CDC42BPA: variants seen among roughly 807,000 people sequenced by gnomAD.
CDC42BPA encodes serine/threonine-protein kinase MRCK alpha.
In CDC42BPA, 80 loss-of-function variants were observed where a neutral mutation model predicts 223.5. The observed-to-expected ratio is 0.36, with a 90% CI of 0.30 to 0.43. CDC42BPA has a LOEUF of 0.43. Among genes scored for constraint, CDC42BPA ranks in the 20% least tolerant of loss-of-function variants. The pLI is 1.00. For missense variants in CDC42BPA, 1,743 were observed against 2,099.9 expected (o/e 0.83, Z 3.32); for synonymous variants, 694 against 718.6 (o/e 0.97, Z 0.55).
chr1:227,238,339 C>T (rs1030559511), intron 2 of CDC42BPA, among the ~76,000 whole-genome samples: 2 of 147,692 alleles, frequency 1.4e-5, no homozygotes, highest in East Asian at 3.9e-4. Flanking sequence ...GAGACCCTGT[C>T]TCATTAAAAA....
At chr1:227,041,239 G>A (rs1022320498) in intron 23 of CDC42BPA, among the ~76,000 whole-genome samples, 2 of 152,052 alleles carry the variant, frequency 1.3e-5, no homozygotes, top group Non-Finnish European at 2.9e-5. Flanking sequence ...GGGCATGACC[G>A]ATCCATATTA....
chr1:227,023,784 C>T (rs1168384733), intron 31 of CDC42BPA, among the ~76,000 whole-genome samples: 5 of 152,052 alleles, frequency 3.3e-5, no homozygotes, highest in South Asian at 2.1e-4. Context: ...ACTGGTTATA[C>T]GGAACCAAGC....
At chr1:227,037,192 G>C (rs1437484864) in intron 24 of CDC42BPA, among the ~76,000 whole-genome samples, 2 of 152,120 alleles carry the variant, frequency 1.3e-5, no homozygotes, top group Non-Finnish European at 2.9e-5. Context: ...ATGAAACAAA[G>C]CTTGAAAACT....
At chr1:227,225,575 G>A (rs983550191) in intron 2 of CDC42BPA, among the ~76,000 whole-genome samples, 3 of 152,144 alleles carry the variant, frequency 2.0e-5, no homozygotes, top group Non-Finnish European at 4.4e-5. Flanking sequence ...GGAAGAAGTT[G>A]TATAGGTGTT....
intron 2 of CDC42BPA, among the ~76,000 whole-genome samples, chr1:227,233,332 C>G (rs1189925817): frequency 6.6e-6 from 1 of 152,046 alleles, no homozygotes; most frequent in South Asian, 2.1e-4. Flanking sequence ...CCACCACGCC[C>G]GGCCTCTATT....
At chr1:227,151,370 T>C (rs1032213753) in intron 6 of CDC42BPA, among the ~76,000 whole-genome samples, 11 of 152,226 alleles carry the variant, frequency 7.2e-5, no homozygotes, top group Non-Finnish European at 1.5e-4. Context: ...CCATTGTATG[T>C]ATACAGCACA....
chr1:227,125,743 T>A (rs1472782575), intron 11 of CDC42BPA, among the ~76,000 whole-genome samples: 2 of 151,858 alleles, frequency 1.3e-5, no homozygotes, highest in Non-Finnish European at 2.9e-5. Context: ...CTGGGTTGGG[T>A]TTCGGATCCA....
At chr1:227,155,261 C>T (rs1476136306) in intron 6 of CDC42BPA, among the ~76,000 whole-genome samples, 1 of 152,158 alleles carries the variant, frequency 6.6e-6, no homozygotes, top group African/African-American at 2.4e-5. Flanking sequence ...GATGTCTTAA[C>T]AGCAACACTG....
intron 34 of CDC42BPA, among the ~76,000 whole-genome samples, chr1:227,005,695 A>T (rs79362858): frequency 9.2e-5 from 14 of 152,242 alleles, no homozygotes; most frequent in Admixed American, 8.5e-4. Flanking sequence ...ATTTGGGAAT[A>T]TTAGTTTGAA....
intron 3 of CDC42BPA, among the ~76,000 whole-genome samples, chr1:227,207,189 T>A (rs574371332): frequency 1.2e-3 from 178 of 148,964 alleles, no homozygotes; most frequent in African/African-American, 3.9e-3. Flanking sequence ...GGTGTTTGGT[T>A]TTTTGTCCTT....
chr1:227,111,905 G>A (rs1011970410), intron 14 of CDC42BPA: 1 of 155,370 alleles, frequency 6.4e-6, no homozygotes, highest in African/African-American at 2.4e-5. Flanking sequence ...ACCTTCTGCT[G>A]AGATGTTTTA....
intron 21 of CDC42BPA, among the ~76,000 whole-genome samples, chr1:227,060,039 T>TTG (rs1553318080): frequency 5.6e-5 from 8 of 143,492 alleles, no homozygotes; most frequent in Non-Finnish European, 1.1e-4. Context: ...TGTTTTTTTT[T>TTG]TTTTTTTTTG....
In CDC42BPA at chr1:227,145,611, G is replaced by A. The variant is rs752533972; in HGVS notation, c.1021C>T (p.Pro341Ser). 1.2e-5 allele frequency: 20 copies of A among 1,613,756 alleles called. 1 individual carries two copies. In the South Asian group the frequency reaches 2.2e-4, roughly 18 times the overall value. Reference protein sequence around the residue: ...QNGIEDFKKHPFFSGIDWDNI... With the variant: ...QNGIEDFKKHSFFSGIDWDNI... ...TCCCAATCAATTCCACTGAAAAATG[G>A]GTGTTTCTTAAAGTCTTCTATTCCA... Residue 341 changes from proline to serine, a missense_variant, in exon 8 of 37, where the codon CCA becomes TCA. Pro to Ser is a moderately conservative substitution (Grantham distance 74). Around this residue, in one of 6 missense-constraint regions of CDC42BPA, gnomAD observed 321 missense variants for 488.7 expected, o/e 0.66. Transcript: ENST00000366766.
intron 2 of CDC42BPA, among the ~76,000 whole-genome samples, chr1:227,236,517 T>C (rs1308656837): frequency 6.7e-6 from 1 of 149,468 alleles, no homozygotes; most frequent in Non-Finnish European, 1.5e-5. Flanking sequence ...TTAAAAATAA[T>C]TTGTAAGACA....
At chr1:227,142,650 C>T (rs980326961) in intron 9 of CDC42BPA, among the ~76,000 whole-genome samples, 14 of 151,186 alleles carry the variant, frequency 9.3e-5, no homozygotes, top group Non-Finnish European at 1.6e-4. Flanking sequence ...GACAGAGTCT[C>T]GCTCTGTCAC....
At chr1:227,302,690 A>G (rs955766229) in intron 1 of CDC42BPA, among the ~76,000 whole-genome samples, 1 of 152,038 alleles carries the variant, frequency 6.6e-6, no homozygotes, top group Non-Finnish European at 1.5e-5. Flanking sequence ...TCTTGTATTG[A>G]TGATTTTTTT....
At chr1:227,252,016 C>T (rs1682099253) in intron 2 of CDC42BPA, among the ~76,000 whole-genome samples, 2 of 151,660 alleles carry the variant, frequency 1.3e-5, no homozygotes, top group Admixed American at 1.3e-4. Context: ...ATATGACATA[C>T]CAAAATATGT....
chr1:227,216,285 C>T (rs1311941128), intron 2 of CDC42BPA, among the ~76,000 whole-genome samples: 1 of 152,076 alleles, frequency 6.6e-6, no homozygotes, highest in African/African-American at 2.4e-5. Flanking sequence ...GTATGGGATA[C>T]CACACATCAC....
intron 35 of CDC42BPA, among the ~76,000 whole-genome samples, chr1:227,002,428 A>G (rs1206689767): frequency 6.6e-6 from 1 of 152,252 alleles, no homozygotes; most frequent in African/African-American, 2.4e-5. Flanking sequence ...AGAAAGTTGC[A>G]AACTGTACAT....
Sources: allele counts gnomAD v4.1 joint callset (sites outside exome capture counted in the v4.1 genomes callset), GRCh38; gene constraint gnomAD v4.1.1; regional missense constraint gnomAD v4.1.1; transcripts MANE v1.5; gene names NCBI Gene and HGNC (gene_info 2026-07-23, HGNC 2026-07-21).